The following CNTN5 variants were observed in gnomAD, a reference collection of about 807,000 sequenced individuals.
CNTN5 encodes contactin-5.
A neutral mutation model predicts 129.1 loss-of-function variants in CNTN5; 77 were observed. That is an observed-to-expected ratio of 0.60 (90% confidence interval 0.50 to 0.72). The LOEUF (loss-of-function observed/expected upper bound fraction) is 0.72, where lower values mean the gene tolerates loss of function less well. CNTN5 is among the 30% of genes least tolerant of loss of function. The probability of loss-of-function intolerance (pLI) is 0.00; values close to 1 mark genes in which losing one functional copy is unlikely to be tolerated. For missense variants in CNTN5, 1,478 were observed against 1,328.8 expected (o/e 1.11, Z -1.75); for synonymous variants, 509 against 465.6 (o/e 1.09, Z -1.20).
At position 99,180,763 on chromosome 11, in the gene CNTN5, C is replaced by T. The variant is rs191561429; in HGVS notation, c.-209-144583C>T. Among the ~76,000 whole-genome samples, 19 of 152,298 alleles carry T rather than the reference C, an allele frequency of 1.2e-4. 1 individual carries two copies. Among genetic ancestry groups the T allele is most frequent in the Admixed American group, 9.8e-4 (15 of 15,298 alleles). On this transcript the variant is annotated intron_variant, in intron 1 of 24. Coordinates refer to ENST00000524871, the MANE Select transcript of CNTN5 (RefSeq NM_014361.4). ...GGGAAGGCATAGTCGATATAGATTA[C>T]AGATACGGGGTAAGCACAGGAGAAT...
intron 1 of CNTN5, among the ~76,000 whole-genome samples, chr11:99,263,765 G>A (rs1217876741): frequency 6.6e-6 from 1 of 151,798 alleles, no homozygotes; most frequent in Non-Finnish European, 1.5e-5. Flanking sequence ...AACACAACAG[G>A]TGTGTGCCAC....
intron 20 of CNTN5, among the ~76,000 whole-genome samples, chr11:100,301,210 T>C (rs1228828895): frequency 6.6e-6 from 1 of 151,666 alleles, no homozygotes; most frequent in Non-Finnish European, 1.5e-5. Context: ...ATCAATTACA[T>C]AGCACCAAAG....
chr11:100,183,577 G>A lies in CNTN5; in HGVS notation c.1581-7549G>A, dbSNP rs139476722. On this transcript the variant is annotated intron_variant, in intron 13 of 24. Coordinates refer to ENST00000524871, the MANE Select transcript of CNTN5 (RefSeq NM_014361.4). ...CTAGAAAAATGCAAACTAACTTATCGTGATGGGAAACAGATCAGTAGTTGC... is the reference window on the plus strand; with the variant it reads ...CTAGAAAAATGCAAACTAACTTATCATGATGGGAAACAGATCAGTAGTTGC... 3.7e-3 allele frequency among the ~76,000 whole-genome samples: 558 copies of A among 152,154 alleles called. 5 individuals carry two copies. The highest frequency in any genetic ancestry group is 4.6e-3 in the Non-Finnish European group (312 of 67,996).
At chr11:99,616,437 A>G (rs1950763262) in intron 3 of CNTN5, among the ~76,000 whole-genome samples, 1 of 152,184 alleles carries the variant, frequency 6.6e-6, no homozygotes. Flanking sequence ...TCATGGTGTT[A>G]TGATAAAATA....
At chr11:99,593,223 C>A (rs1950030542) in intron 3 of CNTN5, among the ~76,000 whole-genome samples, 1 of 151,950 alleles carries the variant, frequency 6.6e-6, no homozygotes, top group African/African-American at 2.4e-5. Flanking sequence ...GGATTAAGAG[C>A]ATAAAGATTT....
chr11:99,314,115 C>A (rs1591509647), intron 1 of CNTN5, among the ~76,000 whole-genome samples: 1 of 150,760 alleles, frequency 6.6e-6, no homozygotes, highest in Non-Finnish European at 1.5e-5. Flanking sequence ...CAATAGTCAA[C>A]AAATATTAAT....
chr11:99,575,938 C>A (rs935657691), intron 3 of CNTN5, among the ~76,000 whole-genome samples: 1 of 152,082 alleles, frequency 6.6e-6, no homozygotes, highest in African/African-American at 2.4e-5. Flanking sequence ...CCAATAGGGG[C>A]AACCCACTAG....
intron 3 of CNTN5, among the ~76,000 whole-genome samples, chr11:99,806,197 A>T (rs1195957649): frequency 6.6e-6 from 1 of 152,138 alleles, no homozygotes; most frequent in Non-Finnish European, 1.5e-5. Context: ...ATGACAAACT[A>T]ATCTTCTTAA....
At chr11:99,396,178 G>A (rs996230278) in intron 2 of CNTN5, among the ~76,000 whole-genome samples, 1 of 4,558 alleles carries the variant, frequency 2.2e-4, no homozygotes, top group African/African-American at 7.2e-4. Flanking sequence ...CCATGATCAT[G>A]GAATGTTTTT....
intron 2 of CNTN5, among the ~76,000 whole-genome samples, chr11:99,401,127 T>G (rs1024919424): frequency 6.6e-6 from 1 of 152,136 alleles, no homozygotes; most frequent in African/African-American, 2.4e-5. Flanking sequence ...GTCTGTGTTT[T>G]GGGGGTATTA....
At chr11:99,573,706 T>C (rs1949254739) in intron 3 of CNTN5, among the ~76,000 whole-genome samples, 1 of 152,074 alleles carries the variant, frequency 6.6e-6, no homozygotes, top group Non-Finnish European at 1.5e-5. Context: ...CTTGGCTCAC[T>C]GCAACCTCTG....
At chr11:100,217,546 T>G (rs1288044795) in intron 15 of CNTN5, among the ~76,000 whole-genome samples, 3 of 152,216 alleles carry the variant, frequency 2.0e-5, no homozygotes, top group Admixed American at 6.5e-5. Context: ...AAGCACAAGC[T>G]AATGCATAAA....
At chr11:99,541,283 T>C (rs569793668) in intron 2 of CNTN5, among the ~76,000 whole-genome samples, 2 of 152,346 alleles carry the variant, frequency 1.3e-5, no homozygotes, top group Admixed American at 6.5e-5. Flanking sequence ...CTGTATTTTG[T>C]GTTATGAAGG....
At position 100,002,100 on chromosome 11, in the gene CNTN5, G is replaced by A. The variant is rs1437307535; in HGVS notation, c.944G>A (p.Gly315Glu). The A allele has an allele frequency of 5.0e-6, 8 of 1,595,976 alleles. No homozygotes were observed. The highest frequency in any genetic ancestry group is 2.3e-5 in the South Asian group (2 of 87,238). ...CCTTTCACGGTTACAGCTGCTAAAG[G>A]AACAACTGTTAAGATGGAATGCTTT... Reference protein sequence around the residue: ...HFPFTVTAAKGTTVKMECFAL... With the variant: ...HFPFTVTAAKETTVKMECFAL... The change falls in exon 9 of 25, where the codon GGA (glycine) becomes GAA (glutamate). Residue 315 changes from glycine to glutamate, a missense_variant. Physicochemically the swap from Gly to Glu is moderately conservative, Grantham distance 98 (BLOSUM62 -2). Coordinates refer to ENST00000524871, the MANE Select transcript of CNTN5 (RefSeq NM_014361.4).
chr11:100,271,788 C>T lies in CNTN5; in HGVS notation c.2314+547C>T, dbSNP rs1216642645. Among the ~76,000 whole-genome samples, 9 of 152,154 alleles carry T rather than the reference C, an allele frequency of 5.9e-5. No individual in the cohort carries two copies. In the East Asian group the frequency reaches 1.7e-3, roughly 29 times the overall value. Reference sequence around the variant, plus strand: ...TTGACTTTGAAAACATTACATTATTCTCAGCTTTTAGAAAAAGCATATCTG... The same window carrying T: ...TTGACTTTGAAAACATTACATTATTTTCAGCTTTTAGAAAAAGCATATCTG... On this transcript the variant is annotated intron_variant, in intron 18 of 24. Coordinates refer to ENST00000524871, the MANE Select transcript of CNTN5 (RefSeq NM_014361.4).
intron 3 of CNTN5, among the ~76,000 whole-genome samples, chr11:99,678,352 G>T (rs572744209): frequency 6.6e-6 from 1 of 151,932 alleles, no homozygotes; most frequent in Non-Finnish European, 1.5e-5. Flanking sequence ...ATATATATAT[G>T]ATTCAAATAT....
chr11:100,357,349 A>G lies in CNTN5; in HGVS notation c.*1129A>G, dbSNP rs913389921. The G allele has an allele frequency of 1.3e-5, 2 of 151,806 alleles. No individual in the cohort carries two copies. The highest frequency in any genetic ancestry group is 6.6e-5 in the Admixed American group (1 of 15,172). 9.4% of individuals were successfully genotyped at this position (151,806 alleles called of 1,614,324 possible). On this transcript the variant is annotated 3_prime_UTR_variant, in exon 25 of 25. Transcript: ENST00000524871. Reference sequence around the variant, plus strand: ...TTTAATTAAGCTGTGGAAACATGGCATCAGTACAGGGATTCAGCTAGTCTA... The same window carrying G: ...TTTAATTAAGCTGTGGAAACATGGCGTCAGTACAGGGATTCAGCTAGTCTA...
intron 3 of CNTN5, among the ~76,000 whole-genome samples, chr11:99,575,027 T>G (rs948650458): frequency 2.6e-5 from 4 of 152,194 alleles, no homozygotes; most frequent in African/African-American, 7.2e-5. Context: ...TTTGGAGAAG[T>G]CATTATTTCC....
intron 3 of CNTN5, among the ~76,000 whole-genome samples, chr11:99,630,623 G>A (rs1290673918): frequency 6.6e-6 from 1 of 151,916 alleles, no homozygotes; most frequent in Admixed American, 6.6e-5. Context: ...TCACAATTCA[G>A]GTCTGCTTTT....
Sources: allele counts gnomAD v4.1 joint callset (sites outside exome capture counted in the v4.1 genomes callset), GRCh38; gene constraint gnomAD v4.1.1; transcripts MANE v1.5; gene names NCBI Gene and HGNC (gene_info 2026-07-23, HGNC 2026-07-21).